The following LRRC4C variants were observed in gnomAD, a reference collection of about 807,000 sequenced individuals.
The protein encoded by LRRC4C is leucine-rich repeat-containing protein 4C.
Under a neutral mutation model 33.6 loss-of-function variants are expected in LRRC4C, and 5 were observed. That is an observed-to-expected ratio of 0.15 (90% CI 0.08 to 0.31). LRRC4C has a LOEUF of 0.31. Ranked by LOEUF, LRRC4C falls within the 10% of genes least tolerant of loss-of-function variation. The pLI is 1.00. For synonymous variants in LRRC4C, 329 were observed against 302.0 expected (o/e 1.09, Z -0.93); for missense variants, 560 against 796.7 (o/e 0.70, Z 3.58).
At chr11:40,903,919 A>C (rs1233793980) in intron 2 of LRRC4C, among the ~76,000 whole-genome samples, 1 of 151,964 alleles carries the variant, frequency 6.6e-6, no homozygotes, top group East Asian at 1.9e-4. Context: ...ATATATATAT[A>C]CCTAAAATGT....
intron 4 of LRRC4C, among the ~76,000 whole-genome samples, chr11:40,312,290 T>G (rs931440859): frequency 1.3e-5 from 2 of 152,206 alleles, no homozygotes; most frequent in African/African-American, 4.8e-5. Flanking sequence ...CTTGAGAAGA[T>G]TTGAGTCATA....
intron 2 of LRRC4C, among the ~76,000 whole-genome samples, chr11:40,882,130 A>T (rs1371438804): frequency 6.6e-6 from 1 of 152,100 alleles, no homozygotes; most frequent in Non-Finnish European, 1.5e-5. Flanking sequence ...CTGCTTTCCA[A>T]TAAAATTTTG....
chr11:40,320,227 C>T (rs562282731), intron 3 of LRRC4C, among the ~76,000 whole-genome samples: 12 of 152,222 alleles, frequency 7.9e-5, no homozygotes, highest in African/African-American at 2.2e-4. Flanking sequence ...AGAAAATGGC[C>T]GGGCGCGGTG....
chr11:41,277,077 C>T (rs562291767), intron 1 of LRRC4C, among the ~76,000 whole-genome samples: 66 of 152,260 alleles, frequency 4.3e-4, no homozygotes, highest in African/African-American at 1.5e-3. Flanking sequence ...TCATTTTGTT[C>T]ACCACTGTAT....
intron 2 of LRRC4C, among the ~76,000 whole-genome samples, chr11:40,878,751 G>T (rs1955035224): frequency 6.6e-6 from 1 of 152,170 alleles, no homozygotes; most frequent in Admixed American, 6.5e-5. Flanking sequence ...GAGAAATTAT[G>T]TTATATCAGA....
intron 2 of LRRC4C, among the ~76,000 whole-genome samples, chr11:40,662,592 G>A (rs920094919): frequency 1.3e-4 from 20 of 152,312 alleles, no homozygotes; most frequent in Middle Eastern, 6.8e-3. Context: ...AAACTGGCCA[G>A]GGAAATTCAG....
intron 5 of LRRC4C, among the ~76,000 whole-genome samples, chr11:40,142,353 T>C (rs1480894400): frequency 1.3e-5 from 2 of 150,616 alleles, no homozygotes; most frequent in Admixed American, 1.3e-4. Context: ...TCAAGAAGTA[T>C]TAACTACCCT....
intron 1 of LRRC4C, among the ~76,000 whole-genome samples, chr11:41,034,433 AACACACACAC>A (rs3067314): frequency 1.4e-5 from 2 of 139,202 alleles, no homozygotes; most frequent in African/African-American, 2.7e-5. Context: ...GAACAATCCA[AACACACACAC>A]ACACACACAC....
chr11:41,133,318 C>T lies in LRRC4C; in HGVS notation c.-495-199595G>A, dbSNP rs141370508. Among the ~76,000 whole-genome samples, 1,017 of 152,036 alleles carry T rather than the reference C, an allele frequency of 6.7e-3. 11 individuals carry two copies. Among genetic ancestry groups the T allele is most frequent in the Non-Finnish European group, 0.011 (744 of 67,968 alleles). ...TAGGGGATGGTGGGGAAAGTGATCTCCAAAGAGAGTAGAAAATACTTAGGA... is the reference window on the plus strand; with the variant it reads ...TAGGGGATGGTGGGGAAAGTGATCTTCAAAGAGAGTAGAAAATACTTAGGA... On this transcript the variant is annotated intron_variant, in intron 1 of 6. Coordinates refer to ENST00000528697, the MANE Select transcript of LRRC4C (RefSeq NM_001258419.2).
intron 3 of LRRC4C, among the ~76,000 whole-genome samples, chr11:40,561,419 T>G (rs2135507609): frequency 6.9e-6 from 1 of 145,232 alleles, no homozygotes; most frequent in Non-Finnish European, 1.5e-5. Flanking sequence ...TTTTTTTTTT[T>G]TTTTTTTTTT....
At chr11:40,911,256 G>T (rs1956666016) in intron 2 of LRRC4C, among the ~76,000 whole-genome samples, 1 of 152,142 alleles carries the variant, frequency 6.6e-6, no homozygotes, top group Non-Finnish European at 1.5e-5. Flanking sequence ...TCCTCAAGAG[G>T]GTCCCTGAAC....
intron 2 of LRRC4C, among the ~76,000 whole-genome samples, chr11:40,923,432 C>T (rs1222677022): frequency 6.6e-6 from 1 of 152,060 alleles, no homozygotes; most frequent in Non-Finnish European, 1.5e-5. Context: ...ATTGCTTTGA[C>T]CAATAATGTG....
At chr11:40,223,358 G>C (rs1864553771) in intron 5 of LRRC4C, among the ~76,000 whole-genome samples, 1 of 152,128 alleles carries the variant, frequency 6.6e-6, no homozygotes, top group Non-Finnish European at 1.5e-5. Context: ...AGATCATGAG[G>C]GCTAGTGTGA....
intron 5 of LRRC4C, among the ~76,000 whole-genome samples, chr11:40,155,296 G>T (rs768638454): frequency 6.6e-6 from 1 of 151,578 alleles, no homozygotes. Context: ...CACACCTCAA[G>T]AAACTAGAAA....
At chr11:40,605,987 A>G (rs1025086335) in intron 3 of LRRC4C, among the ~76,000 whole-genome samples, 1 of 152,154 alleles carries the variant, frequency 6.6e-6, no homozygotes, top group African/African-American at 2.4e-5. Context: ...GGGGGCTGCT[A>G]AGAACAGAAA....
chr11:40,484,095 T>C (rs1038616797), intron 3 of LRRC4C, among the ~76,000 whole-genome samples: 63 of 152,126 alleles, frequency 4.1e-4, no homozygotes, highest in African/African-American at 1.4e-3. Context: ...GAGAAAGGGC[T>C]ATTCTCATTT....
At position 41,213,381 on chromosome 11, in the gene LRRC4C, C is replaced by T. The variant is rs1008131374; in HGVS notation, c.-496+246050G>A. Reference sequence around the variant, plus strand: ...ACCTGGGGACCTTTTCTCAGACAAACGTCTTCCTTTTATAAGTAGCTGTGG... The same window carrying T: ...ACCTGGGGACCTTTTCTCAGACAAATGTCTTCCTTTTATAAGTAGCTGTGG... On this transcript the variant is annotated intron_variant, in intron 1 of 6. Transcript: ENST00000528697. 5.3e-5 allele frequency among the ~76,000 whole-genome samples: 8 copies of T among 152,270 alleles called. No homozygotes were observed. The South Asian group carries it at 1.0e-3, about 20-fold the overall frequency.
chr11:40,257,881 T>C (rs540036298), intron 4 of LRRC4C, among the ~76,000 whole-genome samples: 14 of 152,166 alleles, frequency 9.2e-5, no homozygotes, highest in Non-Finnish European at 1.9e-4. Context: ...ACTCTTTCCC[T>C]GAACTTCTTG....
chr11:40,466,358 G>A (rs1234395137), intron 3 of LRRC4C, among the ~76,000 whole-genome samples: 1 of 151,790 alleles, frequency 6.6e-6, no homozygotes, highest in African/African-American at 2.4e-5. Flanking sequence ...GACTAGACTT[G>A]ACCATGATGC....
Sources: allele counts gnomAD v4.1 joint callset (sites outside exome capture counted in the v4.1 genomes callset), GRCh38; gene constraint gnomAD v4.1.1; transcripts MANE v1.5; gene names NCBI Gene and HGNC (gene_info 2026-07-23, HGNC 2026-07-21).